Variants in VWC2 observed in about 807,000 individuals in gnomAD.
The protein encoded by VWC2 is brorin.
A neutral mutation model predicts 29.8 loss-of-function variants in VWC2; 14 were observed. The observed-to-expected ratio is 0.47, with a 90% confidence interval of 0.31 to 0.74. The LOEUF (loss-of-function observed/expected upper bound fraction) is 0.74. Ranked by LOEUF, VWC2 falls within the 30% of genes least tolerant of loss-of-function variation. VWC2 has a pLI of 0.05. For synonymous variants in VWC2, 213 were observed against 199.0 expected (o/e 1.07, Z -0.59); for missense variants, 457 against 459.8 (o/e 0.99, Z 0.05).
intron 2 of VWC2, among the ~76,000 whole-genome samples, chr7:49,797,529 A>C (rs1166621827): frequency 2.0e-5 from 3 of 152,200 alleles, no homozygotes; most frequent in Admixed American, 2.0e-4. Flanking sequence ...CTGTGAAAGC[A>C]ATGTGGATGA....
chr7:49,867,987 C>T (rs2128722318), intron 3 of VWC2, among the ~76,000 whole-genome samples: 1 of 152,214 alleles, frequency 6.6e-6, no homozygotes, highest in African/African-American at 2.4e-5. Flanking sequence ...GTGCATACCA[C>T]TATACCTGAC....
intron 2 of VWC2, among the ~76,000 whole-genome samples, chr7:49,787,360 G>A (rs992375294): frequency 6.6e-6 from 1 of 152,118 alleles, no homozygotes; most frequent in Non-Finnish European, 1.5e-5. Flanking sequence ...TTAAAAAAGA[G>A]AGCTCAATAT....
intron 3 of VWC2, among the ~76,000 whole-genome samples, chr7:49,836,683 C>A (rs1438333603): frequency 1.3e-5 from 2 of 149,962 alleles, no homozygotes; most frequent in African/African-American, 4.9e-5. Context: ...TAAATAAATA[C>A]AAAAAATCTA....
intron 3 of VWC2, among the ~76,000 whole-genome samples, chr7:49,807,804 A>G (rs1788912115): frequency 6.6e-6 from 1 of 152,228 alleles, no homozygotes; most frequent in Admixed American, 6.5e-5. Flanking sequence ...TGTTCACCAA[A>G]CACTATTAAA....
intron 3 of VWC2, among the ~76,000 whole-genome samples, chr7:49,894,510 C>A (rs941534966): frequency 6.6e-6 from 1 of 152,240 alleles, no homozygotes; most frequent in African/African-American, 2.4e-5. Flanking sequence ...AATTTATCCA[C>A]CAACTCAGCT....
chr7:49,901,916 G>GCTAACACTGTTTGCTAAAACTGTTAGC (rs1562763009), intron 3 of VWC2, among the ~76,000 whole-genome samples: 1 of 151,872 alleles, frequency 6.6e-6, no homozygotes, highest in African/African-American at 2.4e-5. Context: ...TGCTAACAGA[G>GCTAACACTGTTTGCTAAAACTGTTAGC]TAAACATAGT....
chr7:49,847,056 GA>G (rs1390039659), intron 3 of VWC2, among the ~76,000 whole-genome samples: 8 of 152,094 alleles, frequency 5.3e-5, no homozygotes, highest in Non-Finnish European at 1.0e-4. Context: ...GGATGTCTTT[GA>G]AAATGTTGGC....
chr7:49,777,253 G>A (rs1410740722), intron 2 of VWC2, among the ~76,000 whole-genome samples: 2 of 152,192 alleles, frequency 1.3e-5, no homozygotes, highest in Non-Finnish European at 2.9e-5. Context: ...GGTTTAGGGA[G>A]GAATTCTGCT....
intron 3 of VWC2, among the ~76,000 whole-genome samples, chr7:49,824,256 T>C (rs1414571932): frequency 6.6e-6 from 1 of 152,186 alleles, no homozygotes; most frequent in Non-Finnish European, 1.5e-5. Context: ...TCTGGGTACA[T>C]GGAGGGAGAT....
At chr7:49,874,121 C>T (rs559858639) in intron 3 of VWC2, among the ~76,000 whole-genome samples, 5 of 152,166 alleles carry the variant, frequency 3.3e-5, no homozygotes, top group South Asian at 2.1e-4. Flanking sequence ...AAAGGATGCC[C>T]TTGCTCTATG....
At chr7:49,774,252 G>C (rs903167404) in intron 1 of VWC2, 139 bp downstream of exon 1, 2 of 152,652 alleles carry the variant, frequency 1.3e-5, no homozygotes, top group Non-Finnish European at 2.9e-5. Flanking sequence ...GTGAATATGG[G>C]CGCTTCGCCC....
chr7:49,825,960 C>G (rs536818169), intron 3 of VWC2, among the ~76,000 whole-genome samples: 105 of 152,214 alleles, frequency 6.9e-4, no homozygotes, highest in African/African-American at 2.5e-3. Context: ...CCCCACCACC[C>G]CCATATTTGC....
At chr7:49,843,947 G>A (rs1332896798) in intron 3 of VWC2, among the ~76,000 whole-genome samples, 1 of 152,194 alleles carries the variant, frequency 6.6e-6, no homozygotes, top group South Asian at 2.1e-4. Flanking sequence ...GTGACAGTTA[G>A]GACTCATTCT....
In VWC2 at chr7:49,857,303, G is replaced by C. The variant is rs377332903; in HGVS notation, c.826+54463G>C. 1.5e-3 allele frequency among the ~76,000 whole-genome samples: 236 copies of C among 152,258 alleles called. 3 individuals are homozygous for C. Among genetic ancestry groups the C allele is most frequent in the African/African-American group, 5.4e-3 (226 of 41,546 alleles). ...TGCAGTATTTCTTCTTCTGTGACTG[G>C]CTTTTTCCACTAAGCATAATGTCCT... On this transcript the variant is annotated intron_variant, in intron 3 of 3. Coordinates refer to ENST00000340652, the MANE Select transcript of VWC2 (RefSeq NM_198570.5).
intron 3 of VWC2, among the ~76,000 whole-genome samples, chr7:49,858,688 A>C (rs1370043846): frequency 6.6e-6 from 1 of 151,210 alleles, no homozygotes; most frequent in African/African-American, 2.5e-5. Context: ...TGTACCCTAA[A>C]ACTTAAAGTA....
At chr7:49,901,048 C>CT (rs924745421) in intron 3 of VWC2, 6 of 151,750 alleles carry the variant, frequency 4.0e-5, no homozygotes, top group Non-Finnish European at 8.9e-5. Flanking sequence ...ATAAGGTAAA[C>CT]TAGGAACAGA....
intron 3 of VWC2, among the ~76,000 whole-genome samples, chr7:49,831,611 C>T (rs536497195): frequency 2.0e-5 from 3 of 152,180 alleles, no homozygotes; most frequent in Non-Finnish European, 4.4e-5. Context: ...GAAACAGACA[C>T]TAAGGAAGCA....
chr7:49,887,440 A>T (rs1202358514), intron 3 of VWC2, among the ~76,000 whole-genome samples: 1 of 152,246 alleles, frequency 6.6e-6, no homozygotes, highest in Non-Finnish European at 1.5e-5. Context: ...ATGTGGTTAT[A>T]TAATTGATTT....
At chr7:49,890,498 A>G (rs1297976960) in intron 3 of VWC2, among the ~76,000 whole-genome samples, 1 of 152,184 alleles carries the variant, frequency 6.6e-6, no homozygotes, top group East Asian at 1.9e-4. Context: ...TCCCTACTGA[A>G]CTATAGAATC....
Sources: gnomAD v4.1 joint callset for allele counts (sites outside exome capture counted in the v4.1 genomes callset) on GRCh38, gnomAD v4.1.1 for gene constraint, MANE v1.5 for transcripts, NCBI Gene and HGNC (gene_info 2026-07-23, HGNC 2026-07-21) for gene names.